The following LRRIQ3 variants were observed in gnomAD, a reference collection of about 807,000 sequenced individuals.
The protein encoded by LRRIQ3 is leucine-rich repeat and IQ domain-containing protein 3.
In LRRIQ3, 75 loss-of-function variants were observed where a neutral mutation model predicts 59.3. That is an observed-to-expected ratio of 1.26 (90% CI 1.05 to 1.53). LRRIQ3 has a LOEUF of 1.53. Among genes scored for constraint, LRRIQ3 ranks in the 40% most tolerant of loss-of-function variants. The probability of loss-of-function intolerance (pLI) is 0.00; values close to 1 mark genes in which losing one functional copy is unlikely to be tolerated. For synonymous variants in LRRIQ3, 250 were observed against 231.3 expected (o/e 1.08, Z -0.73); for missense variants, 831 against 710.0 (o/e 1.17, Z -1.94).
chr1:74,049,725 C>CA (rs925888732), intron 6 of LRRIQ3, among the ~76,000 whole-genome samples: 58 of 152,158 alleles, frequency 3.8e-4, no homozygotes, highest in African/African-American at 1.4e-3. Context: ...ACATAACTAA[C>CA]ATTTTCCTAA....
At chr1:74,161,958 C>T (rs779206843) in intron 3 of LRRIQ3, among the ~76,000 whole-genome samples, 36 of 151,772 alleles carry the variant, frequency 2.4e-4, no homozygotes, top group Non-Finnish European at 4.4e-4. Context: ...GCATTCCCTC[C>T]ATTAAAGAAG....
At chr1:74,105,400 T>C (rs963182799) in intron 5 of LRRIQ3, among the ~76,000 whole-genome samples, 2 of 151,710 alleles carry the variant, frequency 1.3e-5, no homozygotes, top group African/African-American at 2.4e-5. Flanking sequence ...TTCAGGAGTA[T>C]ACAATCATGC....
rs182011298 is a variant in LRRIQ3, at chr1:74,120,859, C to T, written c.708-11306G>A. Among the ~76,000 whole-genome samples, 373 of 151,800 alleles carry T rather than the reference C, an allele frequency of 2.5e-3. 1 individual carries two copies. Among genetic ancestry groups the T allele is most frequent in the Middle Eastern group, 0.021 (6 of 292 alleles). The stretch of plus-strand genomic sequence containing the variant: ...TTAATTAATTGTATTAATAAGTTTC[C>T]CACTTATTATCCCTCGATTCGTGGA... On this transcript the variant is annotated intron_variant, in intron 4 of 7. Transcript: ENST00000354431.
chr1:74,069,834 C>T (rs879605143), intron 6 of LRRIQ3, among the ~76,000 whole-genome samples: 1 of 151,882 alleles, frequency 6.6e-6, no homozygotes, highest in Admixed American at 6.6e-5. Flanking sequence ...ATTTCATATG[C>T]CCTAGTTGAA....
intron 7 of LRRIQ3, among the ~76,000 whole-genome samples, chr1:74,028,945 A>G (rs1019558647): frequency 2.2e-4 from 33 of 152,016 alleles, no homozygotes; most frequent in Non-Finnish European, 3.8e-4. Context: ...AATTAAGGAT[A>G]GTAATTAAGT....
intron 6 of LRRIQ3, among the ~76,000 whole-genome samples, chr1:74,063,539 G>T (rs1654787607): frequency 6.6e-6 from 1 of 151,924 alleles, no homozygotes; most frequent in South Asian, 2.1e-4. Context: ...AATTCTGTCA[G>T]ATTTTGCTTT....
chr1:74,117,737 G>C (rs186970306), intron 4 of LRRIQ3, among the ~76,000 whole-genome samples: 17 of 152,248 alleles, frequency 1.1e-4, no homozygotes, highest in Non-Finnish European at 2.1e-4. Flanking sequence ...CCGCACTCCA[G>C]TCTGGGTGAC....
chr1:74,096,626 G>C (rs1475604686), intron 5 of LRRIQ3, among the ~76,000 whole-genome samples: 1 of 152,080 alleles, frequency 6.6e-6, no homozygotes, highest in Admixed American at 6.6e-5. Context: ...GAAGCGCTCT[G>C]ATTTTTGGAA....
chr1:74,041,432 C>A lies in LRRIQ3; in HGVS notation c.1499G>T (p.Arg500Ile), dbSNP rs1186402850. 6.2e-7 allele frequency: 1 copy of A among 1,613,662 alleles called. No individual in the cohort carries two copies. The highest frequency in any genetic ancestry group is 8.5e-7 in the Non-Finnish European group (1 of 1,179,838). ...RFNYLEKARE[R>I]KALFLKEKSQ... ...TTTTTCTTTTAGAAACAGAGCTTTT[C>A]TCTCTCTAGCTTTTTCAAGGTAGTT... The change falls in exon 7 of 8, where the codon AGA becomes ATA. Residue 500 changes from arginine to isoleucine, a missense_variant. Transcript: ENST00000354431.
intron 6 of LRRIQ3, among the ~76,000 whole-genome samples, chr1:74,069,995 G>A (rs1654975871): frequency 6.6e-6 from 1 of 152,038 alleles, no homozygotes; most frequent in African/African-American, 2.4e-5. Context: ...CAAGGTTGTG[G>A]AGAAAAGAAA....
intron 4 of LRRIQ3, among the ~76,000 whole-genome samples, chr1:74,153,585 C>T (rs192862372): frequency 1.3e-5 from 2 of 152,200 alleles, no homozygotes; most frequent in East Asian, 3.9e-4. Context: ...TTTTTGAGCA[C>T]CTAACATGTG....
chr1:74,070,406 A>G (rs187021533), intron 6 of LRRIQ3, among the ~76,000 whole-genome samples: 6 of 152,206 alleles, frequency 3.9e-5, no homozygotes, highest in Middle Eastern at 3.4e-3. Context: ...GATCTCACTT[A>G]TAAGTGGGAG....
intron 7 of LRRIQ3, among the ~76,000 whole-genome samples, chr1:74,034,639 C>T (rs1399434458): frequency 7.3e-6 from 1 of 137,088 alleles, no homozygotes; most frequent in Admixed American, 7.0e-5. Flanking sequence ...CACACAGACA[C>T]ACACACACAC....
At chr1:74,187,279 A>C (rs1342002706) in intron 1 of LRRIQ3, among the ~76,000 whole-genome samples, 1 of 152,036 alleles carries the variant, frequency 6.6e-6, no homozygotes, top group East Asian at 1.9e-4. Flanking sequence ...TACAAACCTA[A>C]GTACCCATCA....
At chr1:74,102,253 T>A in intron 5 of LRRIQ3, among the ~76,000 whole-genome samples, 1 of 151,838 alleles carries the variant, frequency 6.6e-6, no homozygotes, top group African/African-American at 2.4e-5. Context: ...CTTCACTGAG[T>A]GGTAAATAAA....
At chr1:74,176,538 C>T (rs546235196) in intron 3 of LRRIQ3, among the ~76,000 whole-genome samples, 34 of 152,264 alleles carry the variant, frequency 2.2e-4, no homozygotes, top group African/African-American at 7.9e-4. Context: ...CTTAATCAGG[C>T]ACCTTTTCAG....
chr1:74,174,677 A>C (rs1228258361), intron 3 of LRRIQ3, among the ~76,000 whole-genome samples: 2 of 151,754 alleles, frequency 1.3e-5, no homozygotes, highest in Non-Finnish European at 2.9e-5. Context: ...TACAGGCATG[A>C]GTCACTGCAC....
At chr1:74,088,180 A>T (rs539326170) in intron 5 of LRRIQ3, among the ~76,000 whole-genome samples, 1 of 152,146 alleles carries the variant, frequency 6.6e-6, no homozygotes, top group Non-Finnish European at 1.5e-5. Flanking sequence ...TCAGAAACTA[A>T]CTCTCCACAT....
intron 7 of LRRIQ3, among the ~76,000 whole-genome samples, chr1:74,030,420 C>T (rs933237414): frequency 6.6e-6 from 1 of 151,948 alleles, no homozygotes; most frequent in African/African-American, 2.4e-5. Flanking sequence ...GAGATATAGA[C>T]CAATGGAATA....
Sources: gnomAD v4.1 joint callset for allele counts (sites outside exome capture counted in the v4.1 genomes callset) on GRCh38, gnomAD v4.1.1 for gene constraint, MANE v1.5 for transcripts, NCBI Gene and HGNC (gene_info 2026-07-23, HGNC 2026-07-21) for gene names.